Variants in CIMIP4 observed in about 807,000 individuals in gnomAD.
CIMIP4 encodes the protein ciliary microtubule inner protein 4.
At chr22:36,992,809 AC>A in the CIMIP4 span, among the ~76,000 whole-genome samples, 2 of 152,184 alleles carry the variant, frequency 1.3e-5, no homozygotes, top group East Asian at 3.9e-4. Flanking sequence ...AGGATGCAAT[AC>A]AAAGAAATAA....
the CIMIP4 span, among the ~76,000 whole-genome samples, chr22:37,005,534 G>A: frequency 6.8e-6 from 1 of 147,546 alleles, no homozygotes; most frequent in Non-Finnish European, 1.5e-5. Flanking sequence ...GATAGAAAAA[G>A]CCTAAATCAC....
chr22:36,998,683 T>G, the CIMIP4 span, among the ~76,000 whole-genome samples: 1 of 152,070 alleles, frequency 6.6e-6, no homozygotes, highest in African/African-American at 2.4e-5. Context: ...AGGCAAATGA[T>G]CTGAAATCTG....
the CIMIP4 span, chr22:37,002,127 G>C: frequency 1.9e-6 from 3 of 1,554,510 alleles, no homozygotes; most frequent in East Asian, 2.4e-5. Flanking sequence ...TCCTTCAAGT[G>C]GCACTGCCCT....
the CIMIP4 span, chr22:37,007,832 A>G: frequency 1.3e-5 from 2 of 152,406 alleles, no homozygotes; most frequent in Non-Finnish European, 2.9e-5. Flanking sequence ...GTGAAGACCA[A>G]TGGATGGTTG....
At chr22:36,993,050 T>C in the CIMIP4 span, among the ~76,000 whole-genome samples, 2 of 150,442 alleles carry the variant, frequency 1.3e-5, no homozygotes, top group African/African-American at 4.9e-5. Flanking sequence ...TCTCGCTCTG[T>C]CTCCAGGCTG....
chr22:36,996,908 C>T, the CIMIP4 span, among the ~76,000 whole-genome samples: 2 of 152,100 alleles, frequency 1.3e-5, no homozygotes, highest in Non-Finnish European at 1.5e-5. Flanking sequence ...TGCAGGTCAC[C>T]GGGAGGAAAG....
the CIMIP4 span, among the ~76,000 whole-genome samples, chr22:36,996,590 T>C: frequency 6.6e-6 from 1 of 152,176 alleles, no homozygotes; most frequent in Non-Finnish European, 1.5e-5. Context: ...AAATTCATTA[T>C]AAAGCTGACA....
At chr22:36,998,092 G>A in the CIMIP4 span, among the ~76,000 whole-genome samples, 1 of 152,286 alleles carries the variant, frequency 6.6e-6, no homozygotes, top group South Asian at 2.1e-4. Context: ...CACACCCTTG[G>A]CACAGTTCTA....
At chr22:36,993,445 T>C in the CIMIP4 span, among the ~76,000 whole-genome samples, 1 of 151,324 alleles carries the variant, frequency 6.6e-6, no homozygotes, top group South Asian at 2.1e-4. Context: ...AAAGAACAAA[T>C]ATCAGATTGA....
the CIMIP4 span, among the ~76,000 whole-genome samples, chr22:36,996,457 G>A: frequency 8.3e-6 from 1 of 120,640 alleles, no homozygotes; most frequent in Non-Finnish European, 1.7e-5. Flanking sequence ...AGATTCTCCT[G>A]AGTAAGTCTA....
the CIMIP4 span, among the ~76,000 whole-genome samples, chr22:36,993,215 T>G: frequency 6.6e-6 from 1 of 151,530 alleles, no homozygotes; most frequent in East Asian, 2.0e-4. Flanking sequence ...TTTCACCATG[T>G]TAGCCAGGAT....
chr22:36,992,634 T>C, the CIMIP4 span, among the ~76,000 whole-genome samples: 2 of 152,170 alleles, frequency 1.3e-5, no homozygotes, highest in East Asian at 3.8e-4. Flanking sequence ...GGCTGAGTGG[T>C]ATATGCAACA....
chr22:37,002,868 G>A, the CIMIP4 span, among the ~76,000 whole-genome samples: 16 of 152,138 alleles, frequency 1.1e-4, no homozygotes, highest in South Asian at 1.2e-3. Flanking sequence ...TCCTCCCTTC[G>A]CCAGGGCTGA....
the CIMIP4 span, among the ~76,000 whole-genome samples, chr22:36,995,443 G>A: frequency 6.6e-6 from 1 of 152,196 alleles, no homozygotes; most frequent in Non-Finnish European, 1.5e-5. Context: ...GAGCCACGGT[G>A]AGTTGGGAGG....
At chr22:37,005,400 C>T in the CIMIP4 span, among the ~76,000 whole-genome samples, 5 of 152,120 alleles carry the variant, frequency 3.3e-5, no homozygotes, top group Non-Finnish European at 7.4e-5. Flanking sequence ...TGTTACGCAG[C>T]AATACATAGC....
At chr22:37,003,703 C>T in the CIMIP4 span, among the ~76,000 whole-genome samples, 1 of 152,224 alleles carries the variant, frequency 6.6e-6, no homozygotes, top group Non-Finnish European at 1.5e-5. Context: ...CTCAGAGCAC[C>T]TGAGTCACCC....
At chr22:37,002,087 CT>C in the CIMIP4 span, 1 of 1,595,612 alleles carries the variant, frequency 6.3e-7, no homozygotes, top group Admixed American at 1.7e-5. Context: ...AGAATCCCTG[CT>C]GGCAGCAGTC....
the CIMIP4 span, chr22:37,004,155 C>T: frequency 3.9e-6 from 3 of 765,682 alleles, no homozygotes; most frequent in Admixed American, 2.9e-5. Flanking sequence ...TCCTAAGCTG[C>T]CCCTGGTGCC....
At chr22:36,994,184 A>C in the CIMIP4 span, among the ~76,000 whole-genome samples, 1 of 152,246 alleles carries the variant, frequency 6.6e-6, no homozygotes, top group Non-Finnish European at 1.5e-5. Context: ...AGGGAGATTT[A>C]AAGACACATA....
Sources: gnomAD v4.1 joint callset for allele counts (sites outside exome capture counted in the v4.1 genomes callset) on GRCh38, gnomAD v4.1.1 for gene constraint, MANE v1.5 for transcripts, NCBI Gene and HGNC (gene_info 2026-07-23, HGNC 2026-07-21) for gene names.